PSMA2: variants seen among roughly 807,000 people sequenced by gnomAD.
The protein encoded by PSMA2 is proteasome subunit alpha type-2.
In PSMA2, 2 loss-of-function variants were observed where a neutral mutation model predicts 35.9. The observed-to-expected ratio is 0.06, with a 90% CI of 0.02 to 0.18. The LOEUF (loss-of-function observed/expected upper bound fraction) is 0.18, where lower values mean the gene tolerates loss of function less well. Ranked by LOEUF, PSMA2 falls within the 10% of genes least tolerant of loss-of-function variation. The probability of loss-of-function intolerance (pLI) is 1.00; values close to 1 mark genes in which losing one functional copy is unlikely to be tolerated. For missense variants in PSMA2, 126 were observed against 278.8 expected, an observed-to-expected ratio of 0.45 and a Z score of 3.90; for synonymous variants, 97 against 98.2, an observed-to-expected ratio of 0.99 and a Z score of 0.07.
chr7:42,920,159 C>T (rs541534413), intron 6 of PSMA2: 1 of 372,568 alleles, frequency 2.7e-6, no homozygotes. Flanking sequence ...AAGCATCAGC[C>T]TTCCAGAGTT....
In PSMA2 at chr7:42,917,846, TA is replaced by T. The variant is rs770353722; in HGVS notation, c.531-12del. The T allele has an allele frequency of 2.1e-5, 32 of 1,524,692 alleles. No individual in the cohort carries two copies. The highest frequency in any genetic ancestry group is 4.4e-5 in the African/African-American group (3 of 68,576). 94.4% of individuals were successfully genotyped at this position (1,524,692 alleles called of 1,614,324 possible). Reference sequence around the variant, plus strand: ...AGATCTTCATTATATCTGAAGAATTTAAAAAAAATTACTTATATCATTGTTT... The same window carrying T: ...AGATCTTCATTATATCTGAAGAATTTAAAAAAATTACTTATATCATTGTTT... On this transcript the variant is annotated splice_polypyrimidine_tract_variant and intron_variant, in intron 6 of 7. Coordinates refer to ENST00000223321, the MANE Select transcript of PSMA2 (RefSeq NM_002787.5).
intron 1 of PSMA2, among the ~76,000 whole-genome samples, chr7:42,931,542 G>C (rs1583610872): frequency 6.7e-6 from 1 of 149,986 alleles, no homozygotes; most frequent in Non-Finnish European, 1.5e-5. Flanking sequence ...CGTTGTTAGG[G>C]GTTCACAAAA....
chr7:42,927,088 C>T (rs1786227406), intron 2 of PSMA2, among the ~76,000 whole-genome samples: 1 of 150,326 alleles, frequency 6.7e-6, no homozygotes, highest in Non-Finnish European at 1.5e-5. Flanking sequence ...AGGATAAAAA[C>T]TGCCAGGAAG....
At chr7:42,928,503 T>A (rs1786247437) in intron 1 of PSMA2, among the ~76,000 whole-genome samples, 1 of 152,168 alleles carries the variant, frequency 6.6e-6, no homozygotes, top group South Asian at 2.1e-4. Context: ...TTCCATGGAT[T>A]TGGTAGCTAA....
chr7:42,919,612 G>C, intron 6 of PSMA2: 1 of 561,324 alleles, frequency 1.8e-6, no homozygotes. Context: ...TAGTAGTATG[G>C]AATATATTTC....
chr7:42,925,061 C>G (rs1379045680), intron 3 of PSMA2, among the ~76,000 whole-genome samples: 2 of 152,166 alleles, frequency 1.3e-5, no homozygotes, highest in African/African-American at 4.8e-5. Context: ...ACGGCTTCTT[C>G]AAGACTGTAC....
intron 1 of PSMA2, chr7:42,931,041 TG>T: frequency 6.2e-6 from 2 of 321,896 alleles, no homozygotes; most frequent in South Asian, 4.6e-5. Context: ...TAATGGAAAG[TG>T]TATTTTTGTT....
chr7:42,932,167 GAA>G lies in PSMA2; in HGVS notation c.-11_-10del, dbSNP rs751184537. Reference sequence around the variant, plus strand: ...TACCCGCGCTCCGCCATCTTTACCCGAAGAGCCAAAGCACAGCCGCACACATG... The same window carrying G: ...TACCCGCGCTCCGCCATCTTTACCCGGAGCCAAAGCACAGCCGCACACATG... On this transcript the variant is annotated 5_prime_UTR_variant, in exon 1 of 8. Coordinates refer to ENST00000223321, the MANE Select transcript of PSMA2 (RefSeq NM_002787.5). 13 of 1,614,104 alleles carry G rather than the reference GAA, an allele frequency of 8.1e-6. No individual in the cohort carries two copies. Among genetic ancestry groups the G allele is most frequent in the Non-Finnish European group, 1.1e-5 (13 of 1,180,032 alleles).
At chr7:42,931,609 A>C (rs1426286225) in intron 1 of PSMA2, among the ~76,000 whole-genome samples, 1 of 151,910 alleles carries the variant, frequency 6.6e-6, no homozygotes, top group African/African-American at 2.4e-5. Context: ...GCATCGAAGA[A>C]ACCGAAAGCG....
At chr7:42,919,096 T>A (rs1786084069) in intron 6 of PSMA2, 1 of 377,792 alleles carries the variant, frequency 2.6e-6, no homozygotes. Context: ...AGTGCTGGGA[T>A]TACAGGCGTG....
chr7:42,924,191 CAA>C (rs5883851), intron 4 of PSMA2, among the ~76,000 whole-genome samples: 1,974 of 137,314 alleles, frequency 0.014, 29 homozygotes, highest in African/African-American at 0.044. Context: ...CAAAAAAATA[CAA>C]AAAAAAAAAA....
intron 4 of PSMA2, 136 bp from the exon 5 acceptor site, chr7:42,923,542 A>G: frequency 1.5e-6 from 1 of 657,432 alleles, no homozygotes; most frequent in Non-Finnish European, 2.7e-6. Flanking sequence ...GAAAGTATTT[A>G]ACACCTTTCT....
intron 1 of PSMA2, among the ~76,000 whole-genome samples, chr7:42,929,654 C>T (rs1035831851): frequency 6.6e-6 from 1 of 152,150 alleles, no homozygotes; most frequent in East Asian, 1.9e-4. Context: ...GCCAAAGTTA[C>T]CTTTGGACCA....
At chr7:42,923,191 A>G (rs1257168248) in intron 5 of PSMA2, 134 bp downstream of exon 5, 1 of 701,434 alleles carries the variant, frequency 1.4e-6, no homozygotes, top group African/African-American at 1.8e-5. Context: ...AAAATGCACA[A>G]CCTCATACTT....
chr7:42,931,023 A>G (rs75247670), intron 1 of PSMA2: 4,077 of 300,380 alleles, frequency 0.014, 178 homozygotes, highest in African/African-American at 0.086. Context: ...ATTTAAGACA[A>G]CGTTATGTAA....
chr7:42,919,214 TG>T, intron 6 of PSMA2: 1 of 610,246 alleles, frequency 1.6e-6, no homozygotes, highest in South Asian at 1.4e-5. Context: ...GGAACAATTT[TG>T]GGTCATAAAG....
At chr7:42,920,764 G>A (rs528550292) in intron 6 of PSMA2, 18 of 152,276 alleles carry the variant, frequency 1.2e-4, no homozygotes, top group African/African-American at 4.3e-4. Context: ...CGTGAAAAAT[G>A]TACTGTGAAG....
chr7:42,919,453 A>G, intron 6 of PSMA2: 1 of 539,076 alleles, frequency 1.9e-6, no homozygotes, highest in South Asian at 1.5e-5. Context: ...GCAGAACCTG[A>G]GGAAATTAGT....
intron 6 of PSMA2, chr7:42,919,891 G>A (rs1475085920): frequency 1.3e-6 from 1 of 753,822 alleles, no homozygotes; most frequent in Admixed American, 1.7e-5. Context: ...TATGCCAGTG[G>A]TTCTGAAGAT....
Sources: gnomAD v4.1 joint callset for allele counts (sites outside exome capture counted in the v4.1 genomes callset) on GRCh38, gnomAD v4.1.1 for gene constraint, MANE v1.5 for transcripts, NCBI Gene and HGNC (gene_info 2026-07-23, HGNC 2026-07-21) for gene names.